RANBP2: variants seen among roughly 807,000 people sequenced by gnomAD.
RANBP2 encodes E3 SUMO-protein ligase RanBP2.
RANBP2 carries 57 observed loss-of-function variants against 303.6 expected under a neutral mutation model. The observed-to-expected ratio is 0.19, with a 90% CI of 0.15 to 0.23. The LOEUF is 0.23. RANBP2 is among the 10% of genes least tolerant of loss of function. The probability of loss-of-function intolerance (pLI) is 1.00; values close to 1 mark genes in which losing one functional copy is unlikely to be tolerated. For missense variants in RANBP2, 3,138 were observed against 3,780.8 expected (o/e 0.83, Z 4.46); for synonymous variants, 1,167 against 1,301.5 (o/e 0.90, Z 2.23).
chr2:109,453,078 TGC>T, the RANBP2 span, among the ~76,000 whole-genome samples: 3 of 152,198 alleles, frequency 2.0e-5, no homozygotes, highest in African/African-American at 7.2e-5. Flanking sequence ...CTCTGTTCCC[TGC>T]GTGGCCCGAT....
chr2:109,683,965 A>C, the RANBP2 span, among the ~76,000 whole-genome samples: 22 of 150,906 alleles, frequency 1.5e-4, no homozygotes, highest in Non-Finnish European at 3.0e-4. Flanking sequence ...TTTTTTTGAC[A>C]GAGTCTCGCT....
At chr2:109,613,935 C>T in the RANBP2 span, 1 of 1,199,842 alleles carries the variant, frequency 8.3e-7, no homozygotes, top group South Asian at 4.1e-5. Flanking sequence ...GGGCGGGGCG[C>T]GAGGCTAGGC....
chr2:109,070,751 C>A, the RANBP2 span, among the ~76,000 whole-genome samples: 9 of 151,630 alleles, frequency 5.9e-5, no homozygotes, highest in Admixed American at 5.9e-4. Flanking sequence ...TCCCAGCTAC[C>A]GGGGAGGCTG....
chr2:109,544,545 T>C, the RANBP2 span: 1 of 980,716 alleles, frequency 1.0e-6, no homozygotes, highest in African/African-American at 1.8e-5. Flanking sequence ...AACAGCAGGG[T>C]TCTCAAGTGG....
At chr2:109,690,570 G>A in the RANBP2 span, among the ~76,000 whole-genome samples, 6 of 152,076 alleles carry the variant, frequency 3.9e-5, no homozygotes, top group South Asian at 6.2e-4. Context: ...TATTAATTAC[G>A]TTCTTAGCAT....
At chr2:109,537,097 G>C in the RANBP2 span, among the ~76,000 whole-genome samples, 1 of 152,184 alleles carries the variant, frequency 6.6e-6, no homozygotes, top group Non-Finnish European at 1.5e-5. Context: ...AATGTAAGGG[G>C]ATAACTCTGG....
chr2:109,365,823 C>T, the RANBP2 span, among the ~76,000 whole-genome samples: 1 of 152,176 alleles, frequency 6.6e-6, no homozygotes, highest in Non-Finnish European at 1.5e-5. Context: ...ATCCTGCCAT[C>T]GCAGGTATCC....
At chr2:109,092,747 C>G in the RANBP2 span, among the ~76,000 whole-genome samples, 1 of 152,126 alleles carries the variant, frequency 6.6e-6, no homozygotes. Context: ...AAATGTTAAA[C>G]ATTATGATTT....
At chr2:109,113,169 A>G in the RANBP2 span, among the ~76,000 whole-genome samples, 1 of 152,094 alleles carries the variant, frequency 6.6e-6, no homozygotes, top group Admixed American at 6.5e-5. Context: ...GATTCTGTGA[A>G]GAAAGTCATT....
chr2:109,282,047 G>T, the RANBP2 span, among the ~76,000 whole-genome samples: 2 of 152,124 alleles, frequency 1.3e-5, no homozygotes, highest in African/African-American at 4.8e-5. Context: ...TGTCAGAGGG[G>T]ATGCTGGTGG....
At chr2:108,959,057 G>C in the RANBP2 span, among the ~76,000 whole-genome samples, 6 of 152,238 alleles carry the variant, frequency 3.9e-5, no homozygotes, top group Non-Finnish European at 7.3e-5. Context: ...TGCTTAGAAA[G>C]TGGGTTAGAG....
chr2:108,790,543 A>G (rs574069804), downstream of RANBP2, among the ~76,000 whole-genome samples: 1 of 152,240 alleles, frequency 6.6e-6, no homozygotes, highest in Admixed American at 6.5e-5. Flanking sequence ...CTTAGCATAG[A>G]TAACAAAAAT....
the RANBP2 span, chr2:108,895,351 T>C: frequency 6.6e-6 from 1 of 152,614 alleles, no homozygotes; most frequent in Admixed American, 6.5e-5. Context: ...AATGTAGTAA[T>C]AAACACAGAC....
At chr2:109,142,236 T>C in the RANBP2 span, among the ~76,000 whole-genome samples, 3 of 152,156 alleles carry the variant, frequency 2.0e-5, no homozygotes, top group African/African-American at 7.2e-5. Flanking sequence ...CATTTCCAGT[T>C]CTTTGCCAGC....
chr2:108,821,398 A>T, the RANBP2 span, among the ~76,000 whole-genome samples: 4 of 152,160 alleles, frequency 2.6e-5, no homozygotes, highest in Non-Finnish European at 5.9e-5. Context: ...ATAAAGTGGG[A>T]ATGTGGAGCC....
At chr2:108,761,892 T>C (rs368326522) in intron 18 of RANBP2, among the ~76,000 whole-genome samples, 8 of 152,218 alleles carry the variant, frequency 5.3e-5, no homozygotes, top group Non-Finnish European at 8.8e-5. Context: ...GCTATTCTCT[T>C]ATTCTTCATG....
At chr2:109,075,579 C>CAAAAAAAAA in the RANBP2 span, among the ~76,000 whole-genome samples, 11 of 109,688 alleles carry the variant, frequency 1.0e-4, no homozygotes, top group East Asian at 2.7e-4. Context: ...CTTAGACAAA[C>CAAAAAAAAA]AAAAAAAAAA....
intron 1 of RANBP2, among the ~76,000 whole-genome samples, chr2:108,724,354 G>A (rs1429944562): frequency 2.0e-5 from 3 of 152,148 alleles, no homozygotes. Flanking sequence ...GTAGAGATGG[G>A]ATTTCACCAT....
At chr2:108,899,879 G>A in the RANBP2 span, among the ~76,000 whole-genome samples, 3 of 152,082 alleles carry the variant, frequency 2.0e-5, no homozygotes, top group South Asian at 2.1e-4. Context: ...CCAGCTACTC[G>A]GGAGGCTGAG....
Sources: allele counts gnomAD v4.1 joint callset (sites outside exome capture counted in the v4.1 genomes callset), GRCh38; gene constraint gnomAD v4.1.1; transcripts MANE v1.5; gene names NCBI Gene and HGNC (gene_info 2026-07-23, HGNC 2026-07-21).